The following HSPG2 variants were observed in gnomAD, a reference collection of about 807,000 sequenced individuals.
HSPG2 encodes the protein basement membrane-specific heparan sulfate proteoglycan core protein.
A neutral mutation model predicts 526.6 loss-of-function variants in HSPG2; 278 were observed. The observed-to-expected ratio is 0.53, with a 90% confidence interval of 0.48 to 0.58. The LOEUF is 0.58. HSPG2 is among the 20% of genes least tolerant of loss of function. HSPG2 has a pLI of 0.00. For missense variants in HSPG2, 5,354 were observed against 6,099.5 expected, an observed-to-expected ratio of 0.88 and a Z score of 4.07; for synonymous variants, 2,465 against 2,555.4, an observed-to-expected ratio of 0.96 and a Z score of 1.07.
At position 21,876,478 on chromosome 1, in the gene HSPG2, TTGGCGGTCCTGCCCGCC is replaced by T. The variant is rs765757111; in HGVS notation, c.2826+17_2826+33del. The T allele has an allele frequency of 3.3e-5, 53 of 1,613,482 alleles. No individual in the cohort carries two copies. The highest frequency in any genetic ancestry group is 4.5e-5 in the Non-Finnish European group (53 of 1,179,820). ...GCGCTTGGTCCATCCGGCCCAGGGC[TTGGCGGTCCTGCCCGCC>T]CACCTTGCAGAGGTACCTGGGCACG... On this transcript the variant is annotated intron_variant, in intron 22 of 96. Coordinates refer to ENST00000374695, the MANE Select transcript of HSPG2 (RefSeq NM_005529.7).
At chr1:21,844,653 G>A (rs1272793302) in intron 64 of HSPG2, among the ~76,000 whole-genome samples, 2 of 152,220 alleles carry the variant, frequency 1.3e-5, no homozygotes, top group African/African-American at 2.4e-5. Context: ...GACTGCCTGG[G>A]TTCAAATCCC....
At chr1:21,908,482 A>T (rs1643497618) in intron 1 of HSPG2, 1 of 864,402 alleles carries the variant, frequency 1.2e-6, no homozygotes, top group African/African-American at 1.7e-5. Context: ...GGTTCAACTA[A>T]AGCGCCAGCC....
intron 3 of HSPG2, among the ~76,000 whole-genome samples, chr1:21,891,370 G>C (rs1162715067): frequency 6.6e-6 from 1 of 152,196 alleles, no homozygotes; most frequent in Admixed American, 6.5e-5. Context: ...ATGACATTGT[G>C]CTCACATGCA....
rs750121117 is a variant in HSPG2 at position 21,842,049 on chromosome 1, G to A, written c.9146C>T (p.Ala3049Val). The A allele has an allele frequency of 7.4e-6, 12 of 1,613,580 alleles. No individual in the cohort carries two copies. In the South Asian group the frequency reaches 1.3e-4, roughly 18 times the overall value. Residue 3049 changes from alanine to valine, a missense_variant, in exon 69 of 97, where the codon GCA becomes GTA. Transcript: ENST00000374695. ...ASFKCLIHDG[A>V]APISLEWKTR... ...CTTCCACTCGAGGCTGATGGGGGCT[G>A]CCCCGTCATGGATGAGGCACTTGAA... is the stretch of plus-strand genomic sequence containing the variant.
At chr1:21,844,360 C>A in intron 64 of HSPG2, 61 bp from the exon 65 acceptor site, 1 of 1,553,132 alleles carries the variant, frequency 6.4e-7, no homozygotes, top group Non-Finnish European at 8.8e-7. Context: ...CAGCCCTTCC[C>A]CTGGGGCCCA....
At chr1:21,849,120 A>T in intron 57 of HSPG2, 89 bp from the exon 58 acceptor site, 1 of 1,464,100 alleles carries the variant, frequency 6.8e-7, no homozygotes, top group Non-Finnish European at 9.4e-7. Flanking sequence ...TGCCACTCCC[A>T]GCCCAGCCAG....
chr1:21,860,701 G>C (rs1210817113), intron 39 of HSPG2, among the ~76,000 whole-genome samples: 2 of 152,108 alleles, frequency 1.3e-5, no homozygotes, highest in African/African-American at 4.8e-5. Context: ...TAGCCAGGAT[G>C]GTCTCGATCT....
Position 21,874,465 on chromosome 1 carries a change from C to T in HSPG2, c.3597G>A (p.Gln1199=). ...GCTGGCAGTCCTGTGGTGTCCCCCG[C>T]TGGGCGTCCCCGTAGTATCCTGGCT... ...QCQPGYYGDA[Q]RGTPQDCQLC... Residue 1199 remains glutamine, a synonymous_variant, in exon 28 of 97, where the codon CAG becomes CAA. Coordinates refer to ENST00000374695, the MANE Select transcript of HSPG2 (RefSeq NM_005529.7). 8 of 1,612,402 alleles carry T rather than the reference C, an allele frequency of 5.0e-6. No individual in the cohort carries two copies. The South Asian group carries it at 8.8e-5, about 18-fold the overall frequency.
At chr1:21,896,034 AC>A in intron 2 of HSPG2, 68 bp from the exon 3 acceptor site, 2 of 1,594,834 alleles carry the variant, frequency 1.3e-6, no homozygotes, top group Admixed American at 3.3e-5. Flanking sequence ...GGTGTCAGGC[AC>A]TGTTCTGGGC....
chr1:21,880,599 C>T (rs1641419440), intron 15 of HSPG2, 40 bp from the exon 16 acceptor site: 1 of 1,604,560 alleles, frequency 6.2e-7, no homozygotes, highest in East Asian at 2.2e-5. Context: ...CACATCAGTG[C>T]CTACCCAGCC....
chr1:21,883,867 T>C (rs1279882285), intron 13 of HSPG2, among the ~76,000 whole-genome samples: 1 of 152,198 alleles, frequency 6.6e-6, no homozygotes, highest in Non-Finnish European at 1.5e-5. Context: ...TGCCTCTCAG[T>C]GCCAGAAAGA....
rs146184130 is a variant in HSPG2 at position 21,865,797 on chromosome 1, C to T, written c.4234G>A (p.Gly1412Ser). ...GAGAGGGTGTATCGCAACTTCCCAC[C>T]GTAGGCCGCCACCTGCAAAGAGGCA... ...TYQGDKVAAYGGKLRYTLSYT... is the reference protein window; with the variant it reads ...TYQGDKVAAYSGKLRYTLSYT... Residue 1412 changes from glycine (G) to serine (S), a missense_variant, in exon 34 of 97, where the codon GGT becomes AGT. Physicochemically the swap from Gly to Ser is moderately conservative, Grantham distance 56 (BLOSUM62 0). Transcript: ENST00000374695. The surrounding 1 kb of genome is among the most constrained non-coding windows in gnomAD (Gnocchi z 5.4). The T allele has an allele frequency of 7.5e-5, 121 of 1,613,622 alleles. No individual in the cohort carries two copies. Among genetic ancestry groups the T allele is most frequent in the African/African-American group, 5.1e-4 (38 of 75,026 alleles).
At position 21,857,167 on chromosome 1, in the gene HSPG2, C is replaced by G. The variant is rs561392976; in HGVS notation, c.5423G>C (p.Arg1808Pro). ...KSPAYTLVWTRLHNGKLPTRA... is the reference protein window; with the variant it reads ...KSPAYTLVWTPLHNGKLPTRA... ...GGTGGGCAGTTTCCCGTTGTGCAGGCGGGTCCACACCAGGGTATAGGCTGG... is the reference window on the plus strand; with the variant it reads ...GGTGGGCAGTTTCCCGTTGTGCAGGGGGGTCCACACCAGGGTATAGGCTGG... Residue 1808 changes from arginine (R) to proline (P), a missense_variant, in exon 44 of 97, where the codon CGC (arginine) becomes CCC (proline). By Grantham distance (103) the Arg-to-Pro change is moderately radical. Transcript: ENST00000374695. 2 of 1,614,034 alleles carry G rather than the reference C, an allele frequency of 1.2e-6. No individual in the cohort carries two copies. The highest frequency in any genetic ancestry group is 1.1e-5 in the South Asian group (1 of 91,074).
rs776973600 is a variant in HSPG2 at position 21,854,776 on chromosome 1, A to T, written c.6134-11T>A. 18 of 1,613,346 alleles carry T rather than the reference A, an allele frequency of 1.1e-5. No individual in the cohort carries two copies. The African/African-American group carries it at 1.6e-4, about 14-fold the overall frequency. On this transcript the variant is annotated splice_polypyrimidine_tract_variant and intron_variant, in intron 48 of 96. Coordinates refer to ENST00000374695, the MANE Select transcript of HSPG2 (RefSeq NM_005529.7). ...GGCTGGCATCTGAGGCTGGGGCCAGAGTAGGGGTCAGCAGGCCCCAGGGGA... is the reference window on the plus strand; with the variant it reads ...GGCTGGCATCTGAGGCTGGGGCCAGTGTAGGGGTCAGCAGGCCCCAGGGGA...
chr1:21,911,571 T>C (rs1043167270), intron 1 of HSPG2, among the ~76,000 whole-genome samples: 1 of 152,182 alleles, frequency 6.6e-6, no homozygotes, highest in Non-Finnish European at 1.5e-5. Context: ...AGCACAGCCC[T>C]TTACCCAGTT....
intron 6 of HSPG2, 41 bp downstream of exon 6, chr1:21,889,940 G>C (rs566709688): frequency 1.9e-6 from 3 of 1,611,326 alleles, no homozygotes; most frequent in East Asian, 2.2e-5. Flanking sequence ...GGGACCCCAC[G>C]AGTCTGGAGG....
chr1:21,875,081 C>G, intron 25 of HSPG2, 79 bp from the exon 26 acceptor site: 1 of 1,009,656 alleles, frequency 9.9e-7, no homozygotes, highest in South Asian at 1.4e-5. Flanking sequence ...CTGGCAGGGT[C>G]TTATTAGTCC....
chr1:21,857,412 A>T, intron 42 of HSPG2, 27 bp from the exon 43 acceptor site: 1 of 1,604,004 alleles, frequency 6.2e-7, no homozygotes, highest in African/African-American at 1.3e-5. Context: ...CCCCCCTGTG[A>T]GCCGGTGCTG....
At chr1:21,932,540 T>C (rs1351102980) in intron 1 of HSPG2, among the ~76,000 whole-genome samples, 1 of 152,140 alleles carries the variant, frequency 6.6e-6, no homozygotes, top group Non-Finnish European at 1.5e-5. Flanking sequence ...TCGTAGAACT[T>C]AAACTGAGCA....
Sources: gnomAD v4.1 joint callset for allele counts (sites outside exome capture counted in the v4.1 genomes callset) on GRCh38, gnomAD v4.1.1 for gene constraint, Gnocchi (gnomAD v3.1) non-coding constraint, MANE v1.5 for transcripts, NCBI Gene and HGNC (gene_info 2026-07-23, HGNC 2026-07-21) for gene names.